HIPK3: variants seen among roughly 807,000 people sequenced by gnomAD.
HIPK3 encodes homeodomain interacting protein kinase 3.
In HIPK3, 47 loss-of-function variants were observed where a neutral mutation model predicts 124.2. The ratio of observed to expected loss-of-function variants is 0.38; its 90% confidence interval spans 0.30 to 0.48. The LOEUF is 0.48. Ranked by LOEUF, HIPK3 falls within the 20% of genes least tolerant of loss-of-function variation. HIPK3 has a pLI of 0.98. For synonymous variants in HIPK3, 482 were observed against 515.2 expected (o/e 0.94, Z 0.87); for missense variants, 1,286 against 1,454.3 (o/e 0.88, Z 1.88).
intron 2 of HIPK3, among the ~76,000 whole-genome samples, chr11:33,298,701 T>C (rs1010663909): frequency 3.9e-5 from 6 of 152,186 alleles, no homozygotes; most frequent in Non-Finnish European, 7.3e-5. Flanking sequence ...GACTTCAGTC[T>C]TGAGGAGGTA....
chr11:33,257,924 G>C (rs1008136533), intron 1 of HIPK3, 35 bp downstream of exon 1: 82 of 985,768 alleles, frequency 8.3e-5, no homozygotes, highest in Admixed American at 2.5e-4. Flanking sequence ...CGCCACCCCG[G>C]GGTGGGGGGA....
At chr11:33,349,793 G>A (rs1211242012) in intron 14 of HIPK3, among the ~76,000 whole-genome samples, 1 of 151,962 alleles carries the variant, frequency 6.6e-6, no homozygotes, top group Non-Finnish European at 1.5e-5. Context: ...AGGAGATGAA[G>A]TGTGGCTCTG....
At chr11:33,275,045 ATTTTT>A (rs1188255598) in intron 1 of HIPK3, among the ~76,000 whole-genome samples, 1 of 147,202 alleles carries the variant, frequency 6.8e-6, no homozygotes, top group Non-Finnish European at 1.5e-5. Context: ...GGTAGACACA[ATTTTT>A]TTTTTTTGAG....
intron 3 of HIPK3, among the ~76,000 whole-genome samples, chr11:33,330,713 G>T (rs1255551836): frequency 6.6e-6 from 1 of 151,934 alleles, no homozygotes; most frequent in Non-Finnish European, 1.5e-5. Context: ...CTTTGTTTTG[G>T]CCCTAATCTG....
At chr11:33,299,070 C>T (rs563161871) in intron 2 of HIPK3, among the ~76,000 whole-genome samples, 1 of 151,312 alleles carries the variant, frequency 6.6e-6, no homozygotes, top group Non-Finnish European at 1.5e-5. Flanking sequence ...TGGTCTTGAA[C>T]CCCTGACCTC....
Position 33,353,209 on chromosome 11 carries a change from C to T in HIPK3, c.3289C>T (p.Pro1097Ser). 6.2e-7 allele frequency: 1 copy of T among 1,613,928 alleles called. No individual in the cohort carries two copies. The highest frequency in any genetic ancestry group is 8.5e-7 in the Non-Finnish European group (1 of 1,179,876). ...SNPFTLSHGS[P>S]NHTAVHAHLA... is the part of the protein sequence containing the mutation. The stretch of plus-strand genomic sequence containing the variant: ...TCCATTCACTCTTTCTCATGGAAGT[C>T]CCAATCACACAGCAGTGCATGCCCA... The change falls in exon 17 of 17, where the codon CCC becomes TCC. Residue 1097 changes from proline to serine, a missense_variant. Physicochemically the swap from Pro to Ser is moderately conservative, Grantham distance 74 (BLOSUM62 -1). Coordinates refer to ENST00000303296, the MANE Select transcript of HIPK3 (RefSeq NM_005734.5).
chr11:33,316,232 C>T (rs1852498367), intron 2 of HIPK3, among the ~76,000 whole-genome samples: 1 of 152,178 alleles, frequency 6.6e-6, no homozygotes, highest in African/African-American at 2.4e-5. Context: ...AAAAAAGCAC[C>T]ATTCTGTGGG....
Position 33,286,761 on chromosome 11 carries a change from T to TG in HIPK3, c.348dup (p.His117AlafsTer16). 6.2e-7 allele frequency: 1 copy of TG among 1,614,036 alleles called. No homozygotes were observed. The highest frequency in any genetic ancestry group is 8.5e-7 in the Non-Finnish European group (1 of 1,180,004). ...CAGATTGGGGCGTGGCGAAACAGAT[T>TG]GCATTTCCTAGAAGGCCCCCAGCGA... On this transcript the variant is annotated frameshift_variant, in exon 2 of 17. Transcript: ENST00000303296. LOFTEE classifies it high-confidence loss of function.
At chr11:33,284,343 T>G (rs1427647551) in intron 1 of HIPK3, among the ~76,000 whole-genome samples, 2 of 152,218 alleles carry the variant, frequency 1.3e-5, no homozygotes, top group Non-Finnish European at 2.9e-5. Context: ...TAATGAAATG[T>G]TGTAATCGCA....
chr11:33,336,601 C>CA (rs1350812139), intron 3 of HIPK3, among the ~76,000 whole-genome samples: 2 of 152,198 alleles, frequency 1.3e-5, no homozygotes, highest in African/African-American at 4.8e-5. Context: ...TACCTCCTGG[C>CA]ATATAATCCA....
chr11:33,322,673 A>G (rs1367401315), intron 2 of HIPK3, among the ~76,000 whole-genome samples: 1 of 152,128 alleles, frequency 6.6e-6, no homozygotes, highest in Non-Finnish European at 1.5e-5. Context: ...TAAAAACACA[A>G]AAATTAGCCT....
intron 2 of HIPK3, among the ~76,000 whole-genome samples, chr11:33,301,596 A>G (rs1380192031): frequency 6.6e-6 from 1 of 151,254 alleles, no homozygotes; most frequent in Non-Finnish European, 1.5e-5. Flanking sequence ...CAGCCTGGGT[A>G]ACATATTGGG....
chr11:33,318,225 A>T (rs940130247), intron 2 of HIPK3, among the ~76,000 whole-genome samples: 10 of 151,942 alleles, frequency 6.6e-5, no homozygotes, highest in East Asian at 5.8e-4. Flanking sequence ...TTTTTCTTAA[A>T]TTTTTTTTAT....
intron 2 of HIPK3, among the ~76,000 whole-genome samples, chr11:33,308,607 C>T (rs1852232834): frequency 7.9e-6 from 1 of 127,292 alleles, no homozygotes; most frequent in Non-Finnish European, 1.7e-5. Flanking sequence ...CAGGTGTGTG[C>T]CTAGGGGTGT....
At chr11:33,263,747 A>G (rs1447771460) in intron 1 of HIPK3, among the ~76,000 whole-genome samples, 2 of 152,204 alleles carry the variant, frequency 1.3e-5, no homozygotes, top group African/African-American at 4.8e-5. Context: ...TCTGTTTATC[A>G]TCCTTGACCT....
At chr11:33,276,962 C>T (rs1186348611) in intron 1 of HIPK3, among the ~76,000 whole-genome samples, 1 of 152,110 alleles carries the variant, frequency 6.6e-6, no homozygotes, top group African/African-American at 2.4e-5. Context: ...GCCTCGGTCT[C>T]CCAAAGTGCT....
In HIPK3 at chr11:33,274,541, T is replaced by C. The variant is rs1851221850; in HGVS notation, c.-2-11872T>C. The stretch of plus-strand genomic sequence containing the variant: ...AAATTTTTCTTTAGTACTTAAGTTA[T>C]ATAAGCTGAATTTGAGTTATTAATC... On this transcript the variant is annotated intron_variant, in intron 1 of 16. Coordinates refer to ENST00000303296, the MANE Select transcript of HIPK3 (RefSeq NM_005734.5). 2.6e-5 allele frequency among the ~76,000 whole-genome samples: 4 copies of C among 152,232 alleles called. No homozygotes were observed. The South Asian group carries it at 8.3e-4, about 32-fold the overall frequency.
At chr11:33,261,979 T>A (rs891969932) in intron 1 of HIPK3, among the ~76,000 whole-genome samples, 1 of 152,246 alleles carries the variant, frequency 6.6e-6, no homozygotes, top group African/African-American at 2.4e-5. Context: ...ATAACCTTTT[T>A]TTCATGTGCT....
intron 1 of HIPK3, among the ~76,000 whole-genome samples, chr11:33,278,552 GTTTC>G (rs1282089324): frequency 6.6e-6 from 1 of 152,260 alleles, no homozygotes; most frequent in Non-Finnish European, 1.5e-5. Flanking sequence ...GGTGTTGCTG[GTTTC>G]TTTGTTTTTT....
Sources: gnomAD v4.1 joint callset for allele counts (sites outside exome capture counted in the v4.1 genomes callset) on GRCh38, gnomAD v4.1.1 for gene constraint, MANE v1.5 for transcripts, NCBI Gene and HGNC (gene_info 2026-07-23, HGNC 2026-07-21) for gene names.